STRN3: variants seen among roughly 807,000 people sequenced by gnomAD.
The protein encoded by STRN3 is striatin 3, also known as striatin-3.
In STRN3, 29 loss-of-function variants were observed where a neutral mutation model predicts 95.6. The ratio of observed to expected loss-of-function variants is 0.30; its 90% confidence interval spans 0.23 to 0.41. The LOEUF is 0.41. Among genes scored for constraint, STRN3 ranks in the 10% least tolerant of loss-of-function variants. STRN3 has a pLI of 1.00. For synonymous variants in STRN3, 331 were observed against 357.6 expected (o/e 0.93, Z 0.84); for missense variants, 890 against 972.1 (o/e 0.92, Z 1.12).
At chr14:30,910,154 A>G (rs1259412568) in intron 13 of STRN3, among the ~76,000 whole-genome samples, 1 of 152,236 alleles carries the variant, frequency 6.6e-6, no homozygotes, top group African/African-American at 2.4e-5. Flanking sequence ...CTCTTTACTG[A>G]AAGTTTCCTC....
chr14:30,933,841 T>C (rs1878679133), intron 7 of STRN3, among the ~76,000 whole-genome samples: 1 of 152,226 alleles, frequency 6.6e-6, no homozygotes, highest in Non-Finnish European at 1.5e-5. Flanking sequence ...GATTCATTTT[T>C]TATATCAAGA....
At chr14:30,902,455 A>C (rs1896349076) in intron 16 of STRN3, 81 bp downstream of exon 16, 1 of 948,224 alleles carries the variant, frequency 1.1e-6, no homozygotes, top group Admixed American at 3.0e-5. Flanking sequence ...CTGAAAAGTC[A>C]ATATATCTTA....
At chr14:30,992,823 G>T (rs1050796478) in intron 1 of STRN3, among the ~76,000 whole-genome samples, 3 of 151,998 alleles carry the variant, frequency 2.0e-5, no homozygotes, top group African/African-American at 7.2e-5. Flanking sequence ...AGAGCAGCCT[G>T]GGCAACAGCC....
rs1428287583 is a variant in STRN3 at position 30,947,100 on chromosome 14, C to T, written c.706G>A (p.Glu236Lys). Residue 236 changes from glutamate (E) to lysine (K), a missense_variant, in exon 5 of 18, where the codon GAA (glutamate) becomes AAA (lysine). By Grantham distance (56) the Glu-to-Lys change is moderately conservative. Transcript: ENST00000357479. ...GGESPKQKGQEIKRSSGDVLE... is the reference protein window; with the variant it reads ...GGESPKQKGQKIKRSSGDVLE... ...AAGTATAAATCATACCTTTTTATTTCTTGTCCCTTTTGCTTAGGAGATTCA... is the reference window on the plus strand; with the variant it reads ...AAGTATAAATCATACCTTTTTATTTTTTGTCCCTTTTGCTTAGGAGATTCA... The T allele has an allele frequency of 6.3e-7, 1 of 1,591,216 alleles. No individual in the cohort carries two copies. Among genetic ancestry groups the T allele is most frequent in the Non-Finnish European group, 8.5e-7 (1 of 1,172,014 alleles).
At chr14:31,005,621 T>C (rs781414448) in intron 1 of STRN3, among the ~76,000 whole-genome samples, 2 of 152,232 alleles carry the variant, frequency 1.3e-5, no homozygotes, top group African/African-American at 4.8e-5. Flanking sequence ...TAAGAGAGAA[T>C]TGTGAAAAGA....
At chr14:30,965,787 A>AAAC (rs1566462537) in intron 1 of STRN3, among the ~76,000 whole-genome samples, 2 of 147,790 alleles carry the variant, frequency 1.4e-5, no homozygotes, top group Non-Finnish European at 3.0e-5. Context: ...AAAAAAAAAA[A>AAAC]AACAACAAAC....
At chr14:30,918,351 A>T (rs1896792202) in intron 9 of STRN3, among the ~76,000 whole-genome samples, 1 of 152,036 alleles carries the variant, frequency 6.6e-6, no homozygotes, top group South Asian at 2.1e-4. Flanking sequence ...TACTAAAAAT[A>T]CAAAAAATTG....
intron 7 of STRN3, among the ~76,000 whole-genome samples, chr14:30,934,751 T>G (rs1485298154): frequency 6.6e-6 from 1 of 152,200 alleles, no homozygotes; most frequent in Non-Finnish European, 1.5e-5. Context: ...GACTAATTAC[T>G]AATTCTAGTA....
Position 30,929,954 on chromosome 14 carries a change from C to CAAAAAAAAAAAAAAAAAAA in STRN3, c.989-662_989-644dup, listed in dbSNP as rs1191963792. Among the ~76,000 whole-genome samples, 16 of 39,992 alleles carry CAAAAAAAAAAAAAAAAAAA rather than the reference C, an allele frequency of 4.0e-4. 1 individual carries two copies. Among genetic ancestry groups the CAAAAAAAAAAAAAAAAAAA allele is most frequent in the African/African-American group, 5.0e-4 (4 of 8,062 alleles). The allele number at this position is 39,992 out of a possible 152,430, so 26.2% of individuals were successfully genotyped here. ...TCCATTGGTCTACAACTAAGATTAG[C>CAAAAAAAAAAAAAAAAAAA]AAAAAAAAAAAAAAAAAAAAAAAAA... On this transcript the variant is annotated intron_variant, in intron 7 of 17. Coordinates refer to ENST00000357479, the MANE Select transcript of STRN3 (RefSeq NM_001083893.2).
At chr14:31,025,869 G>T in intron 1 of STRN3, 35 bp downstream of exon 1, 2 of 1,581,600 alleles carry the variant, frequency 1.3e-6, no homozygotes. Flanking sequence ...GAACCCAGCC[G>T]CCGCAGCTCC....
intron 7 of STRN3, among the ~76,000 whole-genome samples, chr14:30,930,705 A>T (rs1235404133): frequency 6.6e-6 from 1 of 152,178 alleles, no homozygotes; most frequent in Non-Finnish European, 1.5e-5. Flanking sequence ...TGTAAAGAGA[A>T]AATTCACTTT....
At chr14:30,984,760 C>T (rs1389862828) in intron 1 of STRN3, among the ~76,000 whole-genome samples, 2 of 151,412 alleles carry the variant, frequency 1.3e-5, no homozygotes, top group East Asian at 2.0e-4. Context: ...TCCAGCCTGG[C>T]GACAAAGCAA....
intron 1 of STRN3, among the ~76,000 whole-genome samples, chr14:30,962,181 T>C (rs1467239079): frequency 6.6e-6 from 1 of 152,036 alleles, no homozygotes; most frequent in Non-Finnish European, 1.5e-5. Context: ...GTTTAAAAAG[T>C]AAAAATAAAT....
intron 13 of STRN3, among the ~76,000 whole-genome samples, chr14:30,907,456 A>G (rs1176134243): frequency 7.2e-5 from 11 of 152,036 alleles, no homozygotes; most frequent in Admixed American, 7.2e-4. Flanking sequence ...ACTTCCCCCA[A>G]TTCCTCCTCC....
At chr14:30,996,853 G>C (rs550561681) in intron 1 of STRN3, among the ~76,000 whole-genome samples, 1 of 151,014 alleles carries the variant, frequency 6.6e-6, no homozygotes, top group Non-Finnish European at 1.5e-5. Context: ...GTGACAGAGC[G>C]AGACTCCATC....
chr14:30,927,653 T>C (rs894600291), intron 8 of STRN3, among the ~76,000 whole-genome samples: 2 of 151,242 alleles, frequency 1.3e-5, no homozygotes, highest in East Asian at 1.9e-4. Flanking sequence ...AGGCCAGGCA[T>C]AGTGGCTCAC....
chr14:30,985,066 C>T (rs999388748), intron 1 of STRN3, among the ~76,000 whole-genome samples: 2 of 151,732 alleles, frequency 1.3e-5, no homozygotes, highest in African/African-American at 4.8e-5. Flanking sequence ...CCTGTAATCC[C>T]AGCACTTTGG....
At chr14:30,926,959 A>G (rs1490024446) in intron 8 of STRN3, among the ~76,000 whole-genome samples, 1 of 152,192 alleles carries the variant, frequency 6.6e-6, no homozygotes, top group Admixed American at 6.5e-5. Context: ...GATGTTTTCT[A>G]TGATGGTAGT....
intron 1 of STRN3, among the ~76,000 whole-genome samples, chr14:30,964,926 A>G (rs1040499591): frequency 6.6e-6 from 1 of 151,890 alleles, no homozygotes; most frequent in African/African-American, 2.4e-5. Context: ...TTCTCAAAAA[A>G]AAAAAGAAAA....
Sources: allele counts gnomAD v4.1 joint callset (sites outside exome capture counted in the v4.1 genomes callset), GRCh38; gene constraint gnomAD v4.1.1; transcripts MANE v1.5; gene names NCBI Gene and HGNC (gene_info 2026-07-23, HGNC 2026-07-21).